The following OTC variants were observed in gnomAD, a reference collection of about 807,000 sequenced individuals.
OTC encodes the protein ornithine transcarbamylase, mitochondrial.
In OTC, 3 loss-of-function variants were observed where a neutral mutation model predicts 30.3. That is an observed-to-expected ratio of 0.10 (90% CI 0.05 to 0.26). OTC has a LOEUF of 0.26. Ranked by LOEUF, OTC falls within the 10% of genes least tolerant of loss-of-function variation. The pLI is 1.00. For missense variants in OTC, 194 were observed against 260.3 expected, an observed-to-expected ratio of 0.75 and a Z score of 1.75; for synonymous variants, 111 against 99.7, an observed-to-expected ratio of 1.11 and a Z score of -0.67.
the OTC span, among the ~76,000 whole-genome samples, chrX:38,334,927 C>T: frequency 2.7e-5 from 3 of 111,687 alleles, no homozygotes; most frequent in South Asian, 7.5e-4. Context: ...GGAGCACAAA[C>T]CCCATAGTGA....
intron 1 of OTC, among the ~76,000 whole-genome samples, chrX:38,358,314 A>G (rs892490427): frequency 4.5e-5 from 5 of 111,204 alleles, no homozygotes; most frequent in African/African-American, 1.6e-4. Context: ...ATGTGGTACA[A>G]TTGTGGAACT....
At chrX:38,407,773 T>C (rs189927230) in intron 6 of OTC, among the ~76,000 whole-genome samples, 234 of 112,112 alleles carry the variant, frequency 2.1e-3, no homozygotes, top group Non-Finnish European at 3.5e-3. Flanking sequence ...GTGGGGAGCC[T>C]TGATGCTCTT....
chrX:38,347,511 C>G, the OTC span, among the ~76,000 whole-genome samples: 1 of 112,195 alleles, frequency 8.9e-6, no homozygotes, highest in African/African-American at 3.2e-5. Flanking sequence ...GTACTGCATG[C>G]AAATGCTGCG....
chrX:38,358,856 A>G lies in OTC; in HGVS notation c.77+6083A>G, dbSNP rs751526397. 8.2e-5 allele frequency among the ~76,000 whole-genome samples: 9 copies of G among 110,094 alleles called. No individual in the cohort carries two copies. The South Asian group carries it at 2.0e-3, about 24-fold the overall frequency. ...AGGCTGGTCTCAAACTCCTGACCTC[A>G]GGTGATCCAGCTGCCTCAGCCTCCC... On this transcript the variant is annotated intron_variant, in intron 1 of 9. Transcript: ENST00000039007.
chrX:38,365,438 C>G (rs1203416018), intron 1 of OTC, among the ~76,000 whole-genome samples: 1 of 112,541 alleles, frequency 8.9e-6, no homozygotes, highest in Non-Finnish European at 1.9e-5. Flanking sequence ...ACTGATTCTT[C>G]CCTCATTCTA....
chrX:38,366,688 G>T (rs2068297861), intron 1 of OTC, among the ~76,000 whole-genome samples: 1 of 111,739 alleles, frequency 8.9e-6, no homozygotes, highest in African/African-American at 3.3e-5. Context: ...TAAATAAACT[G>T]CCCTAGGTTG....
the OTC span, among the ~76,000 whole-genome samples, chrX:38,337,523 G>A: frequency 9.0e-6 from 1 of 111,540 alleles, no homozygotes; most frequent in East Asian, 2.8e-4. Flanking sequence ...TCATGATTTG[G>A]TATAGGTCTA....
At chrX:38,329,122 T>G in the OTC span, among the ~76,000 whole-genome samples, 297 of 112,008 alleles carry the variant, frequency 2.7e-3, no homozygotes, top group African/African-American at 9.1e-3. Flanking sequence ...TAAGGCACAT[T>G]TTGGTGCTAA....
the OTC span, among the ~76,000 whole-genome samples, chrX:38,331,921 A>C: frequency 1.8e-5 from 2 of 110,709 alleles, no homozygotes; most frequent in Non-Finnish European, 3.8e-5. Flanking sequence ...GCTATATAAT[A>C]TATATCGCAA....
the OTC span, among the ~76,000 whole-genome samples, chrX:38,338,327 T>A: frequency 1.8e-5 from 2 of 112,415 alleles, no homozygotes; most frequent in South Asian, 7.3e-4. Flanking sequence ...TGAATCATAC[T>A]CTCAATGGGC....
the OTC span, among the ~76,000 whole-genome samples, chrX:38,347,407 G>A: frequency 9.0e-6 from 1 of 111,501 alleles, no homozygotes; most frequent in Non-Finnish European, 1.9e-5. Context: ...GTGGCTACTG[G>A]TCTCAGACAA....
chrX:38,376,250 T>A (rs1309813271), intron 3 of OTC, among the ~76,000 whole-genome samples: 3 of 111,348 alleles, frequency 2.7e-5, no homozygotes, highest in Non-Finnish European at 5.7e-5. Context: ...GAGCAAACAA[T>A]TAAAGGAATA....
the OTC span, among the ~76,000 whole-genome samples, chrX:38,340,441 T>G: frequency 9.8e-6 from 1 of 102,266 alleles, no homozygotes; most frequent in African/African-American, 3.5e-5. Flanking sequence ...CACAGTTTGC[T>G]CCCTTCATTG....
chrX:38,368,684 G>A (rs746400472), intron 2 of OTC, among the ~76,000 whole-genome samples: 1 of 100,662 alleles, frequency 9.9e-6, no homozygotes, highest in Non-Finnish European at 2.0e-5. Flanking sequence ...GTTGGTTTCA[G>A]GTTGAGAAAG....
At chrX:38,388,346 CAT>C (rs2068414031) in intron 4 of OTC, among the ~76,000 whole-genome samples, 1 of 111,493 alleles carries the variant, frequency 9.0e-6, no homozygotes, top group South Asian at 3.8e-4. Flanking sequence ...AAAACATACA[CAT>C]AGATATTCAG....
intron 4 of OTC, among the ~76,000 whole-genome samples, chrX:38,383,816 A>G: frequency 1.1e-5 from 1 of 88,577 alleles, no homozygotes; most frequent in Admixed American, 1.1e-4. Context: ...AAGAAAAGAC[A>G]AAAAAAAAAA....
intron 1 of OTC, among the ~76,000 whole-genome samples, chrX:38,355,602 C>T (rs1263696539): frequency 2.7e-5 from 3 of 112,543 alleles, no homozygotes; most frequent in East Asian, 2.8e-4. Flanking sequence ...ATGCTCCCTT[C>T]GTCTCTCACA....
At chrX:38,352,863 G>A (rs1050152830) in intron 1 of OTC, 90 bp downstream of exon 1, 8 of 641,954 alleles carry the variant, frequency 1.2e-5, no homozygotes, top group African/African-American at 2.2e-5. Flanking sequence ...TCTGCAGAAT[G>A]TAGTGCCACG....
At chrX:38,412,118 A>G (rs936899326) in intron 9 of OTC, 119 bp downstream of exon 9, 13 of 698,110 alleles carry the variant, frequency 1.9e-5, no homozygotes, top group African/African-American at 3.8e-5. Context: ...TGCTCATGTA[A>G]CATCTATTTT....
Sources: gnomAD v4.1 joint callset for allele counts (sites outside exome capture counted in the v4.1 genomes callset) on GRCh38, gnomAD v4.1.1 for gene constraint, MANE v1.5 for transcripts, NCBI Gene and HGNC (gene_info 2026-07-23, HGNC 2026-07-21) for gene names.